DLG2: variants seen among roughly 807,000 people sequenced by gnomAD.
The protein encoded by DLG2 is disks large homolog 2.
A neutral mutation model predicts 132.5 loss-of-function variants in DLG2; 45 were observed. The observed-to-expected ratio is 0.34, with a 90% CI of 0.27 to 0.44. DLG2 has a LOEUF of 0.44. Ranked by LOEUF, DLG2 falls within the 20% of genes least tolerant of loss-of-function variation. The probability of loss-of-function intolerance (pLI) is 1.00; values close to 1 mark genes in which losing one functional copy is unlikely to be tolerated. For synonymous variants in DLG2, 424 were observed against 419.6 expected (o/e 1.01, Z -0.13); for missense variants, 1,045 against 1,196.9 (o/e 0.87, Z 1.87).
intron 7 of DLG2, among the ~76,000 whole-genome samples, chr11:84,379,109 C>T (rs141615077): frequency 7.0e-4 from 107 of 151,940 alleles, no homozygotes; most frequent in Non-Finnish European, 1.2e-3. Context: ...GATAAATACC[C>T]AGAAGACATA....
chr11:84,163,521 G>T lies in DLG2; in HGVS notation c.574-10C>A. On this transcript the variant is annotated splice_polypyrimidine_tract_variant and intron_variant, in intron 8 of 27. Transcript: ENST00000376104. ...TTTCTGTCCCATTGACCTGTAAATA[G>T]GGAAAAAATAAGAAGAGAACTATTA... 6.3e-7 allele frequency: 1 copy of T among 1,597,792 alleles called. No homozygotes were observed. The highest frequency in any genetic ancestry group is 8.5e-7 in the Non-Finnish European group (1 of 1,172,412).
intron 16 of DLG2, among the ~76,000 whole-genome samples, chr11:83,858,327 C>T (rs1016813374): frequency 1.3e-5 from 2 of 152,176 alleles, no homozygotes; most frequent in Admixed American, 6.5e-5. Context: ...TACCTCTTCC[C>T]ATTATTTCTC....
chr11:83,741,309 T>C (rs912440223), intron 18 of DLG2, among the ~76,000 whole-genome samples: 6 of 151,932 alleles, frequency 3.9e-5, no homozygotes, highest in African/African-American at 1.4e-4. Flanking sequence ...GCCAGGACAA[T>C]CAGGGAAGAG....
chr11:84,798,985 AG>A (rs1271414973), intron 6 of DLG2, among the ~76,000 whole-genome samples: 3 of 152,108 alleles, frequency 2.0e-5, no homozygotes, highest in Non-Finnish European at 4.4e-5. Context: ...TCTCAAGCAG[AG>A]GAAAGGAGTC....
At chr11:84,991,744 T>G (rs550962194) in intron 6 of DLG2, among the ~76,000 whole-genome samples, 1 of 152,130 alleles carries the variant, frequency 6.6e-6, no homozygotes, top group Non-Finnish European at 1.5e-5. Flanking sequence ...TGCGAAAAAC[T>G]GGGTGGAGGG....
intron 11 of DLG2, among the ~76,000 whole-genome samples, chr11:84,033,477 G>A (rs2154094479): frequency 6.6e-6 from 1 of 152,224 alleles, no homozygotes; most frequent in East Asian, 1.9e-4. Context: ...TTGTTTCTCA[G>A]GAAAAAGCAA....
At chr11:83,690,197 C>T (rs1044183416) in intron 18 of DLG2, among the ~76,000 whole-genome samples, 2 of 150,552 alleles carry the variant, frequency 1.3e-5, no homozygotes, top group Admixed American at 6.6e-5. Context: ...CACTGGGGTG[C>T]GTATAATCAC....
intron 5 of DLG2, among the ~76,000 whole-genome samples, chr11:85,125,266 G>A (rs1473192366): frequency 6.6e-6 from 1 of 152,130 alleles, no homozygotes; most frequent in African/African-American, 2.4e-5. Context: ...CAGTCTCATA[G>A]CTCTTCATAG....
chr11:84,934,683 A>G (rs1471969216), intron 6 of DLG2, among the ~76,000 whole-genome samples: 1 of 151,520 alleles, frequency 6.6e-6, no homozygotes, highest in Admixed American at 6.6e-5. Context: ...CTGGACACAT[A>G]CGCCCTTCCA....
chr11:83,601,613 A>G (rs1189482590), intron 19 of DLG2, among the ~76,000 whole-genome samples: 1 of 147,154 alleles, frequency 6.8e-6, no homozygotes, highest in Non-Finnish European at 1.5e-5. Flanking sequence ...CCAGGCTTAA[A>G]CCATTCTTCC....
At chr11:84,100,651 A>T (rs1199716160) in intron 9 of DLG2, among the ~76,000 whole-genome samples, 3 of 152,066 alleles carry the variant, frequency 2.0e-5, no homozygotes, top group Non-Finnish European at 4.4e-5. Flanking sequence ...CTTACAAAAA[A>T]TATAGCTTAC....
chr11:84,023,927 TTTC>T (rs1276166663), intron 11 of DLG2, among the ~76,000 whole-genome samples: 1 of 152,172 alleles, frequency 6.6e-6, no homozygotes, highest in Non-Finnish European at 1.5e-5. Context: ...TTCTTAATAT[TTTC>T]TTTTATCTCA....
At chr11:84,832,935 G>C (rs147143982) in intron 6 of DLG2, among the ~76,000 whole-genome samples, 1 of 151,560 alleles carries the variant, frequency 6.6e-6, no homozygotes, top group Non-Finnish European at 1.5e-5. Flanking sequence ...AGTCTTATCT[G>C]TGCCAGGGTA....
intron 10 of DLG2, among the ~76,000 whole-genome samples, chr11:84,065,593 A>C (rs1176217799): frequency 6.6e-6 from 1 of 152,208 alleles, no homozygotes; most frequent in Non-Finnish European, 1.5e-5. Flanking sequence ...TGTGAAGAAA[A>C]GGGAATGCTT....
At chr11:84,378,364 C>T (rs538715187) in intron 7 of DLG2, among the ~76,000 whole-genome samples, 1 of 152,070 alleles carries the variant, frequency 6.6e-6, no homozygotes, top group South Asian at 2.1e-4. Context: ...TCACCAGCAA[C>T]CTAATTTGCT....
chr11:85,051,025 T>C (rs1028220643), intron 6 of DLG2, among the ~76,000 whole-genome samples: 16 of 152,234 alleles, frequency 1.1e-4, no homozygotes, highest in African/African-American at 3.1e-4. Context: ...CAGTGCACCA[T>C]GAAGAACAAC....
At chr11:83,837,602 A>G (rs2056536914) in intron 16 of DLG2, among the ~76,000 whole-genome samples, 1 of 151,214 alleles carries the variant, frequency 6.6e-6, no homozygotes, top group Non-Finnish European at 1.5e-5. Context: ...CTATTAGTCT[A>G]CCTGTTTTTC....
At chr11:83,564,554 G>A (rs2096668844) in intron 19 of DLG2, among the ~76,000 whole-genome samples, 1 of 152,150 alleles carries the variant, frequency 6.6e-6, no homozygotes, top group Non-Finnish European at 1.5e-5. Context: ...GGTAACATAT[G>A]GGGATGCAAA....
At position 83,742,210 on chromosome 11, in the gene DLG2, A is replaced by ACCACACACACACACACAC. The variant is rs71463182; in HGVS notation, c.1825+44479_1825+44480insGTGTGTGTGTGTGTGTGG. Among the ~76,000 whole-genome samples the ACCACACACACACACACAC allele has an allele frequency of 6.8e-3, 996 of 147,100 alleles. 12 individuals carry two copies. Among genetic ancestry groups the ACCACACACACACACACAC allele is most frequent in the African/African-American group, 0.024 (964 of 39,980 alleles). On this transcript the variant is annotated intron_variant, in intron 18 of 27. Coordinates refer to ENST00000376104, the MANE Select transcript of DLG2 (RefSeq NM_001142699.3). ...AGAGAGTAAATTTTACCACACTTTTAACACACACACACACACACACACACA... is the reference window on the plus strand; with the variant it reads ...AGAGAGTAAATTTTACCACACTTTTACCACACACACACACACACACACACACACACACACACACACACA...
Sources: gnomAD v4.1 joint callset for allele counts (sites outside exome capture counted in the v4.1 genomes callset) on GRCh38, gnomAD v4.1.1 for gene constraint, MANE v1.5 for transcripts, NCBI Gene and HGNC (gene_info 2026-07-23, HGNC 2026-07-21) for gene names.